The following LIMCH1 variants were observed in gnomAD, a reference collection of about 807,000 sequenced individuals.
LIMCH1 encodes the protein LIM and calponin homology domains-containing protein 1.
LIMCH1 carries 113 observed loss-of-function variants against 176.5 expected under a neutral mutation model. The observed-to-expected ratio is 0.64, with a 90% CI of 0.55 to 0.75. LIMCH1 has a LOEUF of 0.75. LIMCH1 is among the 30% of genes least tolerant of loss of function. LIMCH1 has a pLI of 0.00. For missense variants in LIMCH1, 1,674 were observed against 1,814.9 expected (o/e 0.92, Z 1.41); for synonymous variants, 619 against 645.9 (o/e 0.96, Z 0.63).
chr4:41,505,554 T>C (rs1377485334), intron 2 of LIMCH1, among the ~76,000 whole-genome samples: 1 of 152,144 alleles, frequency 6.6e-6, no homozygotes, highest in Non-Finnish European at 1.5e-5. Context: ...TCTGTGGTGA[T>C]GTCATTTTCT....
At chr4:41,619,137 A>G (rs1411580358) in intron 5 of LIMCH1, 51 bp from the exon 6 acceptor site, 2 of 1,603,566 alleles carry the variant, frequency 1.2e-6, no homozygotes, top group Admixed American at 3.3e-5. Flanking sequence ...AACATTGGGA[A>G]CTTTCTGCTA....
At position 41,383,309 on chromosome 4, in the gene LIMCH1, A is replaced by G. The variant is rs151257282; in HGVS notation, c.96+22373A>G. Among the ~76,000 whole-genome samples, 72 of 152,308 alleles carry G rather than the reference A, an allele frequency of 4.7e-4. No individual in the cohort carries two copies. The Middle Eastern group carries it at 0.01, about 22-fold the overall frequency. On this transcript the variant is annotated intron_variant, in intron 1 of 26. Coordinates refer to the LIMCH1 transcript ENST00000313860. ...GTCTAGTGGGGAGACACACAGATAAACAGGCAATTACTGTACATGCTGTAA... is the reference window on the plus strand; with the variant it reads ...GTCTAGTGGGGAGACACACAGATAAGCAGGCAATTACTGTACATGCTGTAA...
At chr4:41,421,057 C>T (rs2060566498) in intron 1 of LIMCH1, among the ~76,000 whole-genome samples, 2 of 152,150 alleles carry the variant, frequency 1.3e-5, no homozygotes, top group Admixed American at 1.3e-4. Flanking sequence ...TTAGGGCCGG[C>T]CCCAAGAATC....
chr4:41,388,066 T>C (rs1250352434), intron 1 of LIMCH1, among the ~76,000 whole-genome samples: 3 of 152,308 alleles, frequency 2.0e-5, no homozygotes, highest in African/African-American at 7.2e-5. Flanking sequence ...GCTGAGATCG[T>C]GCTACAGCAC....
At chr4:41,681,968 T>C (rs974800417) in intron 25 of LIMCH1, among the ~76,000 whole-genome samples, 2 of 152,168 alleles carry the variant, frequency 1.3e-5, no homozygotes, top group African/African-American at 4.8e-5. Context: ...AATAAGGTCA[T>C]AGAAGATGGA....
intron 22 of LIMCH1, 22 bp from the exon 23 acceptor site, chr4:41,676,360 A>C: frequency 6.2e-7 from 1 of 1,604,744 alleles, no homozygotes; most frequent in Non-Finnish European, 8.5e-7. Flanking sequence ...AATTCTGATC[A>C]TGGTTTCATT....
chr4:41,549,269 T>G (rs949417572), intron 1 of LIMCH1, among the ~76,000 whole-genome samples: 3 of 152,216 alleles, frequency 2.0e-5, no homozygotes, highest in African/African-American at 7.2e-5. Context: ...ATTTAGTATG[T>G]GCTCACCATG....
intron 24 of LIMCH1, 113 bp from the exon 25 acceptor site, chr4:41,680,842 T>C: frequency 1.8e-6 from 1 of 569,050 alleles, no homozygotes. Context: ...TAAAATGCCC[T>C]GCTTGTTCGA....
chr4:41,515,913 C>T (rs2075530407), intron 2 of LIMCH1, among the ~76,000 whole-genome samples: 1 of 152,218 alleles, frequency 6.6e-6, no homozygotes. Flanking sequence ...AGTTTTCTCT[C>T]CACGCTCTTG....
chr4:41,657,177 C>T (rs1030088869), intron 18 of LIMCH1, among the ~76,000 whole-genome samples: 3 of 152,226 alleles, frequency 2.0e-5, no homozygotes, highest in African/African-American at 7.2e-5. Context: ...CATTCATTCA[C>T]GTCCAGGGAT....
At position 41,629,618 on chromosome 4, in the gene LIMCH1, G is replaced by T; in HGVS notation, c.1155G>T (p.Gln385His). 6.5e-7 allele frequency: 1 copy of T among 1,536,094 alleles called. No individual in the cohort carries two copies. The highest frequency in any genetic ancestry group is 2.4e-5 in the East Asian group (1 of 40,892). The change falls in exon 9 of 32, where the codon CAG (glutamine) becomes CAT (histidine). Residue 385 changes from glutamine (Q) to histidine (H), a missense_variant. By Grantham distance (24) the Gln-to-His change is conservative. This residue lies in a region of LIMCH1 where 655 missense variants were observed against 692.2 expected (regional missense o/e 0.95). Coordinates refer to ENST00000503057, the MANE Select transcript of LIMCH1 (RefSeq NM_001330672.2). ...TTCACAAGGATGACCTGGCCCAGCA[G>T]AGAATTCAGGGCAGCCTTGCCCCTC... ...PDLHKDDLAQ[Q>H]RIQGSLAPHR... is the part of the protein sequence containing the mutation.
chr4:41,696,074 TA>T (rs1730433029), intron 31 of LIMCH1, among the ~76,000 whole-genome samples: 1 of 152,178 alleles, frequency 6.6e-6, no homozygotes, highest in Admixed American at 6.5e-5. Flanking sequence ...CCTGAATATA[TA>T]ATCCTATTTT....
intron 13 of LIMCH1, among the ~76,000 whole-genome samples, chr4:41,635,639 A>T (rs1380131623): frequency 6.6e-6 from 1 of 152,238 alleles, no homozygotes; most frequent in Non-Finnish European, 1.5e-5. Flanking sequence ...TATTGTGTGA[A>T]TGAGCCAGCA....
chr4:41,520,492 TTTC>T (rs1309855580), intron 2 of LIMCH1, among the ~76,000 whole-genome samples: 3 of 152,132 alleles, frequency 2.0e-5, no homozygotes, highest in African/African-American at 7.2e-5. Context: ...TATCTGAAAT[TTTC>T]TTCTTATTTA....
At chr4:41,458,627 A>G (rs1039267157) in intron 1 of LIMCH1, among the ~76,000 whole-genome samples, 12 of 150,534 alleles carry the variant, frequency 8.0e-5, no homozygotes, top group Non-Finnish European at 1.5e-4. Flanking sequence ...TACAAAAATT[A>G]GCTGGGCGTG....
At chr4:41,671,015 A>G in intron 21 of LIMCH1, 2 of 976,140 alleles carry the variant, frequency 2.0e-6, no homozygotes, top group Non-Finnish European at 2.4e-6. Flanking sequence ...AAGAATTCAA[A>G]GAAATAATAA....
intron 2 of LIMCH1, among the ~76,000 whole-genome samples, chr4:41,495,355 G>A (rs1455986508): frequency 6.6e-6 from 1 of 152,054 alleles, no homozygotes; most frequent in Non-Finnish European, 1.5e-5. Flanking sequence ...CAATCTAATG[G>A]GTATTGAAAG....
chr4:41,657,809 A>G (rs1196818484), intron 18 of LIMCH1, among the ~76,000 whole-genome samples: 1 of 152,178 alleles, frequency 6.6e-6, no homozygotes, highest in African/African-American at 2.4e-5. Flanking sequence ...TGGACTGAAC[A>G]GAAATCCCCG....
intron 1 of LIMCH1, among the ~76,000 whole-genome samples, chr4:41,420,829 T>C (rs906497892): frequency 2.6e-5 from 4 of 152,238 alleles, no homozygotes; most frequent in African/African-American, 9.7e-5. Flanking sequence ...AGCTTGATGA[T>C]AGAGATTCCT....
Sources: gnomAD v4.1 joint callset for allele counts (sites outside exome capture counted in the v4.1 genomes callset) on GRCh38, gnomAD v4.1.1 for gene constraint, gnomAD v4.1.1 regional missense constraint, MANE v1.5 for transcripts, NCBI Gene and HGNC (gene_info 2026-07-23, HGNC 2026-07-21) for gene names.